APOO: variants seen among roughly 807,000 people sequenced by gnomAD.
APOO encodes the protein MICOS complex subunit MIC26.
A neutral mutation model predicts 23.1 loss-of-function variants in APOO; 11 were observed. The observed-to-expected ratio is 0.48, with a 90% CI of 0.30 to 0.79. The LOEUF is 0.79. APOO is among the 30% of genes least tolerant of loss of function. The pLI is 0.07. For synonymous variants in APOO, 59 were observed against 54.8 expected, an observed-to-expected ratio of 1.08 and a Z score of -0.34; for missense variants, 160 against 142.7, an observed-to-expected ratio of 1.12 and a Z score of -0.62.
At chrX:23,838,242 C>T (rs1454443810) in intron 8 of APOO, among the ~76,000 whole-genome samples, 1 of 96,145 alleles carries the variant, frequency 1.0e-5, no homozygotes, top group Non-Finnish European at 2.1e-5. Flanking sequence ...GTAATCCCAG[C>T]TACTTGGGAG....
intron 1 of APOO, among the ~76,000 whole-genome samples, 161 bp downstream of exon 1, chrX:23,907,533 C>A (rs182787323): frequency 0.014 from 1,623 of 112,730 alleles, 25 homozygotes; most frequent in African/African-American, 0.048. Flanking sequence ...CCCCAGTAGA[C>A]CAGTGAATGA....
chrX:23,905,241 AT>A (rs767371841), intron 1 of APOO, among the ~76,000 whole-genome samples: 2 of 109,259 alleles, frequency 1.8e-5, no homozygotes, highest in East Asian at 5.8e-4. Flanking sequence ...ATACAAAAAA[AT>A]TAGCCAGGCG....
In APOO at chrX:23,884,846, G is replaced by C. The variant is rs183250897; in HGVS notation, c.10-3894C>G. Among the ~76,000 whole-genome samples the C allele has an allele frequency of 2.7e-5, 3 of 111,384 alleles. No homozygotes were observed. In the East Asian group the frequency reaches 8.4e-4, roughly 31 times the overall value. On this transcript the variant is annotated intron_variant, in intron 1 of 8. Transcript: ENST00000379226. ...GTGGTGACACAGCATTCCTGAGAGA[G>C]GAAGTAGAAAAAGAGGGGCAAGTCT...
At chrX:23,856,489 TGTTC>T in intron 6 of APOO, 107 bp from the exon 7 acceptor site, 1 of 595,069 alleles carries the variant, frequency 1.7e-6, no homozygotes, top group Non-Finnish European at 2.7e-6. Flanking sequence ...TGCATGCATA[TGTTC>T]ATCATAGCAC....
At chrX:23,847,443 G>A (rs747498364) in intron 7 of APOO, among the ~76,000 whole-genome samples, 2 of 109,667 alleles carry the variant, frequency 1.8e-5, no homozygotes, top group East Asian at 2.9e-4. Flanking sequence ...TGGCTAACAC[G>A]GTGAAACCCC....
chrX:23,854,754 C>T (rs1035374139), intron 7 of APOO, among the ~76,000 whole-genome samples: 2 of 110,622 alleles, frequency 1.8e-5, no homozygotes, highest in Non-Finnish European at 3.8e-5. Context: ...AACTCCCGAC[C>T]TCAGGTGCTC....
intron 8 of APOO, chrX:23,837,451 G>C (rs1923747457): frequency 4.6e-6 from 2 of 438,391 alleles, no homozygotes; most frequent in Non-Finnish European, 7.8e-6. Context: ...CTAAACCCAG[G>C]AGTTGAAGTC....
intron 7 of APOO, among the ~76,000 whole-genome samples, chrX:23,841,095 A>C (rs1923948868): frequency 1.8e-5 from 2 of 112,143 alleles, no homozygotes; most frequent in African/African-American, 6.5e-5. Context: ...GAAAAACAGG[A>C]GGCTGCAGCT....
intron 3 of APOO, among the ~76,000 whole-genome samples, chrX:23,876,605 C>T (rs1290777514): frequency 1.8e-5 from 2 of 110,099 alleles, no homozygotes; most frequent in African/African-American, 3.3e-5. Context: ...TCAAGACCAT[C>T]CTGGCCAACA....
In APOO at chrX:23,907,718, G is replaced by A. The variant is rs948479548; in HGVS notation, c.-16C>T. 3.5e-6 allele frequency: 4 copies of A among 1,159,372 alleles called. No homozygotes were observed. Among genetic ancestry groups the A allele is most frequent in the African/African-American group, 3.6e-5 (2 of 55,696 alleles). On this transcript the variant is annotated 5_prime_UTR_variant, in exon 1 of 9. Coordinates refer to ENST00000379226, the MANE Select transcript of APOO (RefSeq NM_024122.5). ...CCTTGAACATGTCGCTGGCAGCGGAGGCTCCGGCAGGGTCACCCCGGCCTC... is the reference window on the plus strand; with the variant it reads ...CCTTGAACATGTCGCTGGCAGCGGAAGCTCCGGCAGGGTCACCCCGGCCTC...
chrX:23,895,629 A>C (rs963686952), intron 1 of APOO, among the ~76,000 whole-genome samples: 4 of 111,204 alleles, frequency 3.6e-5, no homozygotes, highest in African/African-American at 9.8e-5. Context: ...CATGTTCCGC[A>C]CATGTATCCC....
chrX:23,878,887 G>A lies in APOO; in HGVS notation c.237+28C>T, dbSNP rs371428084. ...CTCTATGGACTCTAAACAGAAATGCGTTCACTCCATTTTCAGAACAGTTGT... is the reference window on the plus strand; with the variant it reads ...CTCTATGGACTCTAAACAGAAATGCATTCACTCCATTTTCAGAACAGTTGT... On this transcript the variant is annotated intron_variant, in intron 3 of 8. Coordinates refer to ENST00000379226, the MANE Select transcript of APOO (RefSeq NM_024122.5). 92 of 1,199,026 alleles carry A rather than the reference G, an allele frequency of 7.7e-5. No homozygotes were observed. In the African/African-American group the frequency reaches 1.5e-3, roughly 20 times the overall value.
intron 5 of APOO, among the ~76,000 whole-genome samples, chrX:23,865,366 G>C (rs1925287515): frequency 9.0e-6 from 1 of 111,004 alleles, no homozygotes. Context: ...CACTTTGGGA[G>C]GCTGAGGTGG....
At chrX:23,907,566 G>T (rs986961502) in intron 1 of APOO, 128 bp downstream of exon 1, 7 of 708,301 alleles carry the variant, frequency 9.9e-6, no homozygotes, top group Non-Finnish European at 1.4e-5. Flanking sequence ...GGACGCAGCC[G>T]GCCCAGTGGC....
At chrX:23,853,608 GT>G (rs367944878) in intron 7 of APOO, among the ~76,000 whole-genome samples, 69 of 101,745 alleles carry the variant, frequency 6.8e-4, no homozygotes, top group Non-Finnish European at 2.6e-4. Flanking sequence ...GAGCCCGACC[GT>G]TTTTTTTTTT....
intron 1 of APOO, among the ~76,000 whole-genome samples, chrX:23,902,710 G>GT (rs1054934092): frequency 1.8e-5 from 2 of 111,852 alleles, no homozygotes; most frequent in African/African-American, 6.5e-5. Flanking sequence ...AGTACAATGT[G>GT]TACTTAATAT....
intron 5 of APOO, among the ~76,000 whole-genome samples, chrX:23,859,431 C>T (rs1385208576): frequency 1.0e-5 from 1 of 98,791 alleles, no homozygotes; most frequent in African/African-American, 4.1e-5. Flanking sequence ...ATGTGTTTGC[C>T]TACTCTGGAT....
chrX:23,874,309 T>G, intron 4 of APOO, 94 bp downstream of exon 4: 3 of 772,878 alleles, frequency 3.9e-6, no homozygotes, highest in Non-Finnish European at 5.9e-6. Context: ...TTTTAAGGAA[T>G]ACACAGATTT....
rs780783897 is a variant in APOO, at chrX:23,846,403, C to T, written c.562-6026G>A. 7.4e-5 allele frequency among the ~76,000 whole-genome samples: 8 copies of T among 107,401 alleles called. No homozygotes were observed. In the Admixed American group the frequency reaches 8.1e-4, roughly 11 times the overall value. 93.3% of individuals were successfully genotyped at this position (107,401 alleles called of 115,157 possible). On this transcript the variant is annotated intron_variant, in intron 7 of 8. Coordinates refer to ENST00000379226, the MANE Select transcript of APOO (RefSeq NM_024122.5). ...TTGGGAGGCTGAGGCGGGTGGATCA[C>T]TTGAGGTCAGGAGTTCAGGACCAGC...
Sources: gnomAD v4.1 joint callset for allele counts (sites outside exome capture counted in the v4.1 genomes callset) on GRCh38, gnomAD v4.1.1 for gene constraint, MANE v1.5 for transcripts, NCBI Gene and HGNC (gene_info 2026-07-23, HGNC 2026-07-21) for gene names.